C1orf105: variants seen among roughly 807,000 people sequenced by gnomAD.
The protein encoded by C1orf105 is uncharacterized protein C1orf105.
C1orf105 carries 17 observed loss-of-function variants against 20.8 expected under a neutral mutation model. That is an observed-to-expected ratio of 0.82 (90% CI 0.56 to 1.23). The LOEUF (loss-of-function observed/expected upper bound fraction) is 1.23, where lower values mean the gene tolerates loss of function less well. C1orf105 is among the 50% of genes most tolerant of loss of function. C1orf105 has a pLI of 0.00. For synonymous variants in C1orf105, 72 were observed against 72.1 expected (o/e 1.00, Z 0.01); for missense variants, 219 against 213.5 (o/e 1.03, Z -0.16).
intron 1 of C1orf105, among the ~76,000 whole-genome samples, chr1:172,444,558 C>T (rs1236796836): frequency 1.3e-5 from 2 of 152,206 alleles, no homozygotes; most frequent in African/African-American, 4.8e-5. Flanking sequence ...TCATCTCCCC[C>T]CTCAAAGAGG....
chr1:172,435,245 T>A (rs1411389171), intron 1 of C1orf105, among the ~76,000 whole-genome samples: 1 of 152,222 alleles, frequency 6.6e-6, no homozygotes, highest in African/African-American at 2.4e-5. Flanking sequence ...TAACTCATTT[T>A]ATGAGGTCAG....
At chr1:172,447,848 C>A (rs1164916125) in intron 2 of C1orf105, among the ~76,000 whole-genome samples, 1 of 152,216 alleles carries the variant, frequency 6.6e-6, no homozygotes, top group East Asian at 1.9e-4. Flanking sequence ...CAGGCCTTGG[C>A]CCCTTACACT....
chr1:172,434,788 C>CA (rs1401418412), intron 1 of C1orf105, among the ~76,000 whole-genome samples: 5 of 152,068 alleles, frequency 3.3e-5, no homozygotes, highest in South Asian at 2.1e-4. Context: ...AAAAACCCTT[C>CA]AAAAAATCAA....
At chr1:172,461,946 A>C (rs1649724358) in intron 4 of C1orf105, among the ~76,000 whole-genome samples, 1 of 152,198 alleles carries the variant, frequency 6.6e-6, no homozygotes, top group Non-Finnish European at 1.5e-5. Flanking sequence ...CATCTAAACC[A>C]ACCAATTTTA....
chr1:172,438,824 A>T (rs1232855502), intron 1 of C1orf105, among the ~76,000 whole-genome samples: 1 of 152,218 alleles, frequency 6.6e-6, no homozygotes. Flanking sequence ...AAATTGCCAC[A>T]GCCACCTCAG....
intron 3 of C1orf105, among the ~76,000 whole-genome samples, chr1:172,448,952 G>A (rs1260397718): frequency 1.3e-5 from 2 of 152,232 alleles, no homozygotes; most frequent in Non-Finnish European, 1.5e-5. Context: ...CACCATGACC[G>A]GCTGCCAGGT....
chr1:172,427,164 A>G (rs918158138), intron 1 of C1orf105, among the ~76,000 whole-genome samples: 2 of 152,102 alleles, frequency 1.3e-5, no homozygotes, highest in African/African-American at 4.8e-5. Context: ...CTTGCCTCCA[A>G]CTTCCCTGAG....
chr1:172,441,629 A>G (rs929046237), intron 1 of C1orf105: 2 of 1,105,554 alleles, frequency 1.8e-6, no homozygotes, highest in South Asian at 1.9e-5. Context: ...TCTTACCACA[A>G]TGACATGCTG....
Position 172,468,814 on chromosome 1 carries a change from G to T in C1orf105, c.*220G>T. On this transcript the variant is annotated 3_prime_UTR_variant, in exon 7 of 7. Coordinates refer to ENST00000367727, the MANE Select transcript of C1orf105 (RefSeq NM_139240.4). The stretch of plus-strand genomic sequence containing the variant: ...TTAATTTACATGATTATAAAGATCT[G>T]TTTATGAAAATGGAACATGGTAACT... 2 of 385,466 alleles carry T rather than the reference G, an allele frequency of 5.2e-6. No individual in the cohort carries two copies. The highest frequency in any genetic ancestry group is 9.2e-6 in the Non-Finnish European group (2 of 216,416). 23.9% of individuals were successfully genotyped at this position (385,466 alleles called of 1,614,324 possible).
Position 172,468,479 on chromosome 1 carries a change from G to A in C1orf105, c.437G>A (p.Gly146Asp), listed in dbSNP as rs1477788204. Residue 146 changes from glycine (G) to aspartate (D), a missense_variant, in exon 7 of 7, where the codon GGC becomes GAC. By Grantham distance (94) the Gly-to-Asp change is moderately conservative (BLOSUM62 -1). Coordinates refer to ENST00000367727, the MANE Select transcript of C1orf105 (RefSeq NM_139240.4). ...ESIHYRLPIL[G>D]PRTAVFHGLL... ...ATTCACTACAGACTGCCCATTCTGG[G>A]CCCCAGGACAGCTGTCTTCCACGGA... The A allele has an allele frequency of 1.9e-6, 3 of 1,613,534 alleles. No homozygotes were observed. Among genetic ancestry groups the A allele is most frequent in the Non-Finnish European group, 2.5e-6 (3 of 1,179,598 alleles).
intron 2 of C1orf105, among the ~76,000 whole-genome samples, chr1:172,447,707 A>G (rs1573867177): frequency 6.6e-6 from 1 of 152,380 alleles, no homozygotes; most frequent in East Asian, 1.9e-4. Flanking sequence ...TAAACAATGG[A>G]CAATGAAATC....
At chr1:172,462,289 T>C in intron 5 of C1orf105, 44 bp downstream of exon 5, 6 of 1,424,852 alleles carry the variant, frequency 4.2e-6, no homozygotes, top group Non-Finnish European at 5.9e-6. Flanking sequence ...ATTCTTGTTA[T>C]GTCTGAGGAC....
rs370127923 is a variant in C1orf105, at chr1:172,442,496, C to T, written c.22-2577C>T. ...ACAGCCCAATATTGGTATTTCCGAG[C>T]ATGGATGTTTTTCCGGAGCTCTTCC... On this transcript the variant is annotated intron_variant, in intron 1 of 6. Coordinates refer to ENST00000367727, the MANE Select transcript of C1orf105 (RefSeq NM_139240.4). The T allele has an allele frequency of 2.4e-5, 39 of 1,614,092 alleles. No individual in the cohort carries two copies. In the African/African-American group the frequency reaches 4.9e-4, roughly 20 times the overall value.
chr1:172,431,671 C>T (rs956113580), intron 1 of C1orf105, among the ~76,000 whole-genome samples: 3 of 152,324 alleles, frequency 2.0e-5, no homozygotes, highest in Non-Finnish European at 2.9e-5. Context: ...CCGGCGTGAT[C>T]GATGCAGAAG....
At chr1:172,457,695 G>A (rs1667163592) in intron 4 of C1orf105, among the ~76,000 whole-genome samples, 1 of 152,188 alleles carries the variant, frequency 6.6e-6, no homozygotes, top group African/African-American at 2.4e-5. Flanking sequence ...TGGCCAGCTG[G>A]CACACTTGGG....
chr1:172,462,208 G>A lies in C1orf105; in HGVS notation c.304G>A (p.Asp102Asn), dbSNP rs757473702. The A allele has an allele frequency of 1.6e-5, 26 of 1,610,176 alleles. No individual in the cohort carries two copies. In the East Asian group the frequency reaches 5.6e-4, roughly 35 times the overall value. ...VQPRTMKIPD[D>N]PKASFENCMS... is the part of the protein sequence containing the mutation. ...ACCAAGAACAATGAAAATCCCAGAT[G>A]ATCCAAAAGCATCCTTTGAGAATTG... is the stretch of plus-strand genomic sequence containing the variant. Residue 102 changes from aspartate to asparagine, a missense_variant, in exon 5 of 7, where the codon GAT becomes AAT. By Grantham distance (23) the Asp-to-Asn change is conservative (BLOSUM62 1). Coordinates refer to ENST00000367727, the MANE Select transcript of C1orf105 (RefSeq NM_139240.4).
At chr1:172,441,002 TCAC>T (rs751063028) in intron 1 of C1orf105, among the ~76,000 whole-genome samples, 2 of 152,194 alleles carry the variant, frequency 1.3e-5, no homozygotes, top group East Asian at 3.9e-4. Flanking sequence ...CTAAAGGCCT[TCAC>T]CACAATGCCC....
At chr1:172,466,355 G>A (rs960972909) in intron 6 of C1orf105, among the ~76,000 whole-genome samples, 17 of 152,108 alleles carry the variant, frequency 1.1e-4, no homozygotes, top group African/African-American at 3.6e-4. Flanking sequence ...AGCCAAAGTG[G>A]AACCAAGAGC....
At chr1:172,447,041 G>T (rs1026650603) in intron 2 of C1orf105, among the ~76,000 whole-genome samples, 2 of 152,144 alleles carry the variant, frequency 1.3e-5, no homozygotes, top group African/African-American at 4.8e-5. Context: ...AGGACAAGAC[G>T]GGAATGAAAA....
Sources: allele counts gnomAD v4.1 joint callset (sites outside exome capture counted in the v4.1 genomes callset), GRCh38; gene constraint gnomAD v4.1.1; transcripts MANE v1.5; gene names NCBI Gene and HGNC (gene_info 2026-07-23, HGNC 2026-07-21).